FAM135B: variants seen among roughly 807,000 people sequenced by gnomAD.
The protein encoded by FAM135B is family with sequence similarity 135 member B.
A neutral mutation model predicts 127.7 loss-of-function variants in FAM135B; 43 were observed. That is an observed-to-expected ratio of 0.34 (90% CI 0.26 to 0.43). FAM135B has a LOEUF of 0.43. Ranked by LOEUF, FAM135B falls within the 20% of genes least tolerant of loss-of-function variation. FAM135B has a pLI of 1.00. For synonymous variants in FAM135B, 670 were observed against 665.1 expected (o/e 1.01, Z -0.11); for missense variants, 1,558 against 1,725.6 (o/e 0.90, Z 1.72).
At chr8:138,432,168 C>T (rs1212022788) in intron 1 of FAM135B, among the ~76,000 whole-genome samples, 1 of 152,118 alleles carries the variant, frequency 6.6e-6, no homozygotes, top group African/African-American at 2.4e-5. Flanking sequence ...CTACTGGACC[C>T]CAACAGTGTC....
At chr8:138,422,047 T>G (rs1015609587) in intron 1 of FAM135B, among the ~76,000 whole-genome samples, 2 of 152,242 alleles carry the variant, frequency 1.3e-5, no homozygotes, top group East Asian at 3.9e-4. Flanking sequence ...TAAATTGTGC[T>G]GGGATAACTG....
intron 1 of FAM135B, among the ~76,000 whole-genome samples, chr8:138,422,880 G>A (rs1834599073): frequency 6.6e-6 from 1 of 152,138 alleles, no homozygotes; most frequent in Non-Finnish European, 1.5e-5. Context: ...TCCATTAACA[G>A]TGGACTGAAT....
intron 1 of FAM135B, among the ~76,000 whole-genome samples, chr8:138,470,144 G>A (rs1195984442): frequency 3.9e-5 from 6 of 152,138 alleles, no homozygotes. Flanking sequence ...AAAGACATGA[G>A]TGGAAAGAAG....
At chr8:138,278,788 A>AT (rs1344164302) in intron 3 of FAM135B, among the ~76,000 whole-genome samples, 2 of 151,756 alleles carry the variant, frequency 1.3e-5, no homozygotes, top group Non-Finnish European at 2.9e-5. Flanking sequence ...GGAGAACATG[A>AT]TTTTTTCTTA....
intron 2 of FAM135B, among the ~76,000 whole-genome samples, chr8:138,322,199 C>T (rs1464869311): frequency 6.6e-6 from 1 of 152,126 alleles, no homozygotes; most frequent in East Asian, 1.9e-4. Flanking sequence ...AAATGGTAGC[C>T]ATGATCACAG....
intron 7 of FAM135B, 109 bp from the exon 8 acceptor site, chr8:138,197,778 G>A (rs1300882693): frequency 2.4e-6 from 3 of 1,252,898 alleles, no homozygotes; most frequent in Non-Finnish European, 3.4e-6. Flanking sequence ...ATGTTTGGAG[G>A]TTCAGGGAAG....
At chr8:138,335,433 C>CA (rs1233384763) in intron 2 of FAM135B, among the ~76,000 whole-genome samples, 2 of 151,670 alleles carry the variant, frequency 1.3e-5, no homozygotes, top group African/African-American at 2.4e-5. Flanking sequence ...AAATGGAAAA[C>CA]AAAAAAAGGC....
chr8:138,215,824 C>T (rs111997651), intron 7 of FAM135B, among the ~76,000 whole-genome samples: 2,058 of 152,250 alleles, frequency 0.014, 39 homozygotes, highest in African/African-American at 0.046. Context: ...AGTGATGCCA[C>T]GCAAAGATTA....
chr8:138,333,483 C>T (rs569127103), intron 2 of FAM135B, among the ~76,000 whole-genome samples: 57 of 152,264 alleles, frequency 3.7e-4, no homozygotes, highest in African/African-American at 1.3e-3. Flanking sequence ...CATGGGAAGC[C>T]TTCCCTGACG....
At chr8:138,148,437 A>G in intron 14 of FAM135B, 83 bp downstream of exon 14, 1 of 1,123,162 alleles carries the variant, frequency 8.9e-7, no homozygotes, top group Non-Finnish European at 1.3e-6. Context: ...CTGTTGAATG[A>G]ATACCTCATC....
chr8:138,491,464 T>C (rs1815196570), intron 1 of FAM135B, among the ~76,000 whole-genome samples: 2 of 152,202 alleles, frequency 1.3e-5, no homozygotes, highest in Non-Finnish European at 2.9e-5. Context: ...ATATTGCAGC[T>C]ATGTAGGAAA....
chr8:138,429,749 G>C (rs1025138096), intron 1 of FAM135B, among the ~76,000 whole-genome samples: 2 of 152,176 alleles, frequency 1.3e-5, no homozygotes, highest in African/African-American at 4.8e-5. Flanking sequence ...GGCCAGTCCA[G>C]AGCAGAGATC....
At chr8:138,457,164 A>G (rs571371323) in intron 1 of FAM135B, among the ~76,000 whole-genome samples, 1 of 152,260 alleles carries the variant, frequency 6.6e-6, no homozygotes, top group African/African-American at 2.4e-5. Context: ...AGGAGCCAGA[A>G]GAAAAGGAAG....
At chr8:138,406,405 T>C (rs1274935853) in intron 1 of FAM135B, among the ~76,000 whole-genome samples, 2 of 151,782 alleles carry the variant, frequency 1.3e-5, no homozygotes, top group East Asian at 3.9e-4. Flanking sequence ...CCTAACTTAT[T>C]TTATGAGGCC....
At chr8:138,219,563 A>G (rs1158718356) in intron 7 of FAM135B, among the ~76,000 whole-genome samples, 1 of 152,222 alleles carries the variant, frequency 6.6e-6, no homozygotes, top group Non-Finnish European at 1.5e-5. Context: ...TTGAGAAAAT[A>G]ACAAAGAAGC....
chr8:138,153,417 C>A (rs144983682), intron 12 of FAM135B, among the ~76,000 whole-genome samples: 2 of 152,188 alleles, frequency 1.3e-5, no homozygotes, highest in Admixed American at 6.5e-5. Flanking sequence ...AGTGAGGTAC[C>A]GGGTCCATCT....
At chr8:138,460,727 A>G (rs1222003038) in intron 1 of FAM135B, among the ~76,000 whole-genome samples, 1 of 152,204 alleles carries the variant, frequency 6.6e-6, no homozygotes, top group Non-Finnish European at 1.5e-5. Flanking sequence ...TTCTATAAAA[A>G]AAGAACAGAC....
At chr8:138,421,483 T>A (rs1587411533) in intron 1 of FAM135B, among the ~76,000 whole-genome samples, 1 of 152,192 alleles carries the variant, frequency 6.6e-6, no homozygotes, top group Non-Finnish European at 1.5e-5. Flanking sequence ...AGCATTTCTA[T>A]ACATAATTAA....
At chr8:138,258,118 T>C (rs1822246439) in intron 4 of FAM135B, among the ~76,000 whole-genome samples, 2 of 152,214 alleles carry the variant, frequency 1.3e-5, no homozygotes, top group African/African-American at 4.8e-5. Context: ...CTAGTTTTAA[T>C]TCATTCTTGA....
Sources: gnomAD v4.1 joint callset for allele counts (sites outside exome capture counted in the v4.1 genomes callset) on GRCh38, gnomAD v4.1.1 for gene constraint, MANE v1.5 for transcripts, NCBI Gene and HGNC (gene_info 2026-07-23, HGNC 2026-07-21) for gene names.